The following SLC39A10 variants were observed in gnomAD, a reference collection of about 807,000 sequenced individuals.
The protein encoded by SLC39A10 is zinc transporter ZIP10.
A neutral mutation model predicts 65.1 loss-of-function variants in SLC39A10; 13 were observed. The ratio of observed to expected loss-of-function variants is 0.20; its 90% confidence interval spans 0.13 to 0.32. The LOEUF (loss-of-function observed/expected upper bound fraction) is 0.32, where lower values mean the gene tolerates loss of function less well. SLC39A10 is among the 10% of genes least tolerant of loss of function. SLC39A10 has a pLI of 1.00. For missense variants in SLC39A10, 831 were observed against 1,018.4 expected, an observed-to-expected ratio of 0.82 and a Z score of 2.50; for synonymous variants, 321 against 342.2, an observed-to-expected ratio of 0.94 and a Z score of 0.68.
At chr2:195,641,215 G>A (rs1688806045) in intron 2 of SLC39A10, among the ~76,000 whole-genome samples, 1 of 152,164 alleles carries the variant, frequency 6.6e-6, no homozygotes. Context: ...GGACAGGCAA[G>A]TTTATAGTGA....
intron 2 of SLC39A10, among the ~76,000 whole-genome samples, chr2:195,647,357 C>T (rs981771761): frequency 1.3e-5 from 2 of 152,000 alleles, no homozygotes; most frequent in Non-Finnish European, 2.9e-5. Context: ...CATTCAGACT[C>T]ATTCAGGCTC....
In SLC39A10 at chr2:195,672,507, TAATA is replaced by T. The variant is rs575943667; in HGVS notation, c.-11-7518_-11-7515del. On this transcript the variant is annotated intron_variant, in intron 1 of 9. Transcript: ENST00000359634. ...TGCAAAGTTAGTGAATGATTTACTTTAATAAATAAAAAAAAGCACAGGTTTAGTA... is the reference window on the plus strand; with the variant it reads ...TGCAAAGTTAGTGAATGATTTACTTTAATAAAAAAAAGCACAGGTTTAGTA... 2.7e-3 allele frequency among the ~76,000 whole-genome samples: 404 copies of T among 152,286 alleles called. 4 individuals are homozygous for T. Among genetic ancestry groups the T allele is most frequent in the Non-Finnish European group, 2.4e-3 (163 of 68,014 alleles).
Position 195,708,786 on chromosome 2 carries a change from A to G in SLC39A10, c.1517A>G (p.Tyr506Cys), listed in dbSNP as rs751318812. 1.9e-5 allele frequency: 30 copies of G among 1,613,222 alleles called. 1 individual carries two copies. The highest frequency in any genetic ancestry group is 1.0e-5 in the Non-Finnish European group (12 of 1,179,628). The change falls in exon 5 of 10, where the codon TAC becomes TGC. Residue 506 changes from tyrosine (Y) to cysteine (C), a missense_variant. Tyr to Cys is a radical substitution (Grantham distance 194). This residue lies in a region of SLC39A10 where 230 missense variants were observed against 242.9 expected (regional missense o/e 0.95). Transcript: ENST00000359634. Reference sequence around the variant, plus strand: ...GGACTTGTTGCTCTAGGAGGCATTTACTTGCTATTTATCATTGAACACTGC... The same window carrying G: ...GGACTTGTTGCTCTAGGAGGCATTTGCTTGCTATTTATCATTGAACACTGC... ...LKGLVALGGI[Y>C]LLFIIEHCIR...
chr2:195,721,551 T>C (rs1692039940), intron 8 of SLC39A10, among the ~76,000 whole-genome samples: 1 of 152,202 alleles, frequency 6.6e-6, no homozygotes, highest in Non-Finnish European at 1.5e-5. Flanking sequence ...TCTTGTTAGA[T>C]GCCGTATTTC....
chr2:195,655,319 T>C (rs1327557675), upstream of SLC39A10, among the ~76,000 whole-genome samples: 1 of 152,178 alleles, frequency 6.6e-6, no homozygotes, highest in Non-Finnish European at 1.5e-5. Context: ...CGTACTTGTG[T>C]GTACCAGCTG....
Position 195,670,143 on chromosome 2 carries a change from G to A in SLC39A10, c.-11-9889G>A, listed in dbSNP as rs143505989. On this transcript the variant is annotated intron_variant, in intron 1 of 9. Transcript: ENST00000359634. Reference sequence around the variant, plus strand: ...CACTGCACTCCAGCCTGGTGACAGAGCAAGATTCTGTCTCCAAAAATAAAA... The same window carrying A: ...CACTGCACTCCAGCCTGGTGACAGAACAAGATTCTGTCTCCAAAAATAAAA... Among the ~76,000 whole-genome samples, 2 of 152,026 alleles carry A rather than the reference G, an allele frequency of 1.3e-5. 1 individual carries two copies. The highest frequency in any genetic ancestry group is 2.9e-5 in the Non-Finnish European group (2 of 68,016).
At chr2:195,712,360 T>C (rs1482801889) in intron 5 of SLC39A10, among the ~76,000 whole-genome samples, 1 of 152,228 alleles carries the variant, frequency 6.6e-6, no homozygotes, top group Non-Finnish European at 1.5e-5. Flanking sequence ...GTAGATTCCA[T>C]GTCCTCATGG....
chr2:195,628,132 G>T (rs1688512561), intron 2 of SLC39A10, among the ~76,000 whole-genome samples: 1 of 152,164 alleles, frequency 6.6e-6, no homozygotes, highest in Non-Finnish European at 1.5e-5. Context: ...TCATCTGTAA[G>T]AAAACTGTGA....
intron 1 of SLC39A10, among the ~76,000 whole-genome samples, chr2:195,666,572 C>G (rs1291276786): frequency 6.6e-6 from 1 of 152,230 alleles, no homozygotes; most frequent in Non-Finnish European, 1.5e-5. Flanking sequence ...AATCCTCCCA[C>G]CTGAGCCTCC....
rs1024083584 is a variant in SLC39A10, at chr2:195,720,178, C to T, written c.2146+1846C>T. Among the ~76,000 whole-genome samples the T allele has an allele frequency of 4.6e-5, 7 of 152,312 alleles. 1 individual carries two copies. In the East Asian group the frequency reaches 5.8e-4, roughly 13 times the overall value. ...CTGACCTCAAGTGATCTGCCTGCCT[C>T]GGCCTCCCAAAGTGCCGAGATTACA... is the stretch of plus-strand genomic sequence containing the variant. On this transcript the variant is annotated intron_variant, in intron 8 of 9. Transcript: ENST00000359634.
chr2:195,620,505 G>T (rs1175752587), intron 2 of SLC39A10, among the ~76,000 whole-genome samples: 1 of 151,712 alleles, frequency 6.6e-6, no homozygotes, highest in Non-Finnish European at 1.5e-5. Context: ...AGTTACATTG[G>T]GTAGTTCATG....
At chr2:195,648,135 G>C (rs921251733) in intron 2 of SLC39A10, among the ~76,000 whole-genome samples, 29 of 152,128 alleles carry the variant, frequency 1.9e-4, no homozygotes, top group African/African-American at 7.0e-4. Context: ...TGGGACCACA[G>C]GTGTGTGACA....
chr2:195,648,321 T>G (rs1688966230), intron 2 of SLC39A10, among the ~76,000 whole-genome samples: 1 of 152,168 alleles, frequency 6.6e-6, no homozygotes, highest in South Asian at 2.1e-4. Flanking sequence ...ATATCAAGAC[T>G]GTGCACAGGT....
intron 2 of SLC39A10, among the ~76,000 whole-genome samples, chr2:195,682,052 G>C (rs182433383): frequency 6.9e-4 from 105 of 152,166 alleles, no homozygotes; most frequent in African/African-American, 2.4e-3. Flanking sequence ...GGGATGTCCT[G>C]TTTTCCTTTA....
Position 195,708,757 on chromosome 2 carries a change from G to C in SLC39A10, c.1488G>C (p.Leu496Phe). The change falls in exon 5 of 10, where the codon TTG becomes TTC. Residue 496 changes from leucine (L) to phenylalanine (F), a missense_variant. Leu to Phe is a conservative substitution (Grantham distance 22). Around this residue, in one of 4 missense-constraint regions of SLC39A10, gnomAD observed 230 missense variants for 242.9 expected, o/e 0.95. Transcript: ENST00000359634. Reference protein sequence around the residue: ...NKFLEEYDAVLKGLVALGGIY... With the variant: ...NKFLEEYDAVFKGLVALGGIY... Reference sequence around the variant, plus strand: ...TTTTGGAAGAATATGATGCTGTATTGAAAGGACTTGTTGCTCTAGGAGGCA... The same window carrying C: ...TTTTGGAAGAATATGATGCTGTATTCAAAGGACTTGTTGCTCTAGGAGGCA... The C allele has an allele frequency of 6.2e-7, 1 of 1,613,260 alleles. No individual in the cohort carries two copies. The highest frequency in any genetic ancestry group is 8.5e-7 in the Non-Finnish European group (1 of 1,179,584).
intron 3 of SLC39A10, among the ~76,000 whole-genome samples, chr2:195,686,092 A>G (rs1286245823): frequency 2.0e-5 from 3 of 152,214 alleles, no homozygotes; most frequent in African/African-American, 7.2e-5. Context: ...TTTAGAGGAT[A>G]GTAATTAAAA....
intron 2 of SLC39A10, among the ~76,000 whole-genome samples, chr2:195,647,523 C>CA (rs1344246544): frequency 2.0e-5 from 3 of 151,884 alleles, no homozygotes; most frequent in Non-Finnish European, 4.4e-5. Context: ...GCTCTTTTCC[C>CA]AGCCTTTTAT....
At chr2:195,731,636 A>C (rs1442923966) in intron 9 of SLC39A10, among the ~76,000 whole-genome samples, 1 of 152,208 alleles carries the variant, frequency 6.6e-6, no homozygotes, top group South Asian at 2.1e-4. Flanking sequence ...TTTATAGTTT[A>C]ATGAAGAAGA....
intron 2 of SLC39A10, among the ~76,000 whole-genome samples, chr2:195,642,698 C>T (rs1472877263): frequency 6.6e-6 from 1 of 152,166 alleles, no homozygotes; most frequent in Non-Finnish European, 1.5e-5. Context: ...GCTTTATCCC[C>T]AAGTTACTGG....
Sources: gnomAD v4.1 joint callset for allele counts (sites outside exome capture counted in the v4.1 genomes callset) on GRCh38, gnomAD v4.1.1 for gene constraint, gnomAD v4.1.1 regional missense constraint, MANE v1.5 for transcripts, NCBI Gene and HGNC (gene_info 2026-07-23, HGNC 2026-07-21) for gene names.